CNTNAP2: variants seen among roughly 807,000 people sequenced by gnomAD.
The protein encoded by CNTNAP2 is contactin-associated protein-like 2.
Under a neutral mutation model 155.2 loss-of-function variants are expected in CNTNAP2, and 98 were observed. That is an observed-to-expected ratio of 0.63 (90% confidence interval 0.54 to 0.75). CNTNAP2 has a LOEUF of 0.75. Ranked by LOEUF, CNTNAP2 falls within the 30% of genes least tolerant of loss-of-function variation. CNTNAP2 has a pLI of 0.00. For missense variants in CNTNAP2, 1,727 were observed against 1,688.1 expected (o/e 1.02, Z -0.40); for synonymous variants, 651 against 631.2 (o/e 1.03, Z -0.47).
At chr7:147,592,503 G>A (rs1396753294) in intron 12 of CNTNAP2, among the ~76,000 whole-genome samples, 3 of 143,118 alleles carry the variant, frequency 2.1e-5, no homozygotes, top group Non-Finnish European at 4.6e-5. Flanking sequence ...AAATGATTAA[G>A]CTGTACACAA....
intron 15 of CNTNAP2, among the ~76,000 whole-genome samples, chr7:147,987,422 TTACCTGTCCTTTCAAATACCA>T (rs745660809): frequency 2.0e-5 from 3 of 152,234 alleles, no homozygotes; most frequent in Non-Finnish European, 4.4e-5. Context: ...ACTGATTTTC[TTACCTGTCCTTTCAAATACCA>T]TTTGTATTTG....
chr7:146,506,344 G>A (rs1797384774), intron 1 of CNTNAP2, among the ~76,000 whole-genome samples: 1 of 152,202 alleles, frequency 6.6e-6, no homozygotes, highest in East Asian at 1.9e-4. Context: ...GTATGTCTGT[G>A]TCCACGCTGG....
chr7:146,868,286 A>G (rs527700748), intron 3 of CNTNAP2, among the ~76,000 whole-genome samples: 3 of 151,974 alleles, frequency 2.0e-5, no homozygotes, highest in Non-Finnish European at 2.9e-5. Flanking sequence ...AGCCTTCCTC[A>G]TTGCTTGTTT....
intron 10 of CNTNAP2, among the ~76,000 whole-genome samples, chr7:147,445,298 A>C (rs1381683102): frequency 6.6e-6 from 1 of 152,200 alleles, no homozygotes; most frequent in East Asian, 1.9e-4. Flanking sequence ...TTTAGCATTA[A>C]TTTAAAAAAT....
intron 6 of CNTNAP2, among the ~76,000 whole-genome samples, chr7:147,126,693 G>A (rs546718076): frequency 1.4e-4 from 21 of 152,176 alleles, no homozygotes; most frequent in South Asian, 1.0e-3. Context: ...GGCTGGTCTC[G>A]AACTCCTGAT....
At chr7:148,402,120 G>A (rs141968513) in intron 22 of CNTNAP2, among the ~76,000 whole-genome samples, 271 of 152,276 alleles carry the variant, frequency 1.8e-3, no homozygotes, top group African/African-American at 5.9e-3. Context: ...ACATATAGCC[G>A]ATGACGACAA....
intron 3 of CNTNAP2, among the ~76,000 whole-genome samples, chr7:146,867,078 T>A (rs1795218400): frequency 6.6e-6 from 1 of 152,110 alleles, no homozygotes; most frequent in Non-Finnish European, 1.5e-5. Context: ...GGTAAACACG[T>A]GTCACAGGGG....
intron 3 of CNTNAP2, among the ~76,000 whole-genome samples, chr7:146,899,321 T>C (rs1358731500): frequency 6.6e-6 from 1 of 152,168 alleles, no homozygotes; most frequent in African/African-American, 2.4e-5. Flanking sequence ...ACAAGTTTAT[T>C]GGACTTTTCT....
chr7:147,723,223 T>G (rs1796591228), intron 13 of CNTNAP2, among the ~76,000 whole-genome samples: 1 of 152,006 alleles, frequency 6.6e-6, no homozygotes, highest in African/African-American at 2.4e-5. Context: ...AAAGTAAACC[T>G]GATCAATGAA....
chr7:147,296,303 TA>T (rs1805442728), intron 8 of CNTNAP2, among the ~76,000 whole-genome samples: 2 of 152,320 alleles, frequency 1.3e-5, no homozygotes, highest in South Asian at 4.1e-4. Flanking sequence ...CTTTGTACTT[TA>T]AAGGGAAATG....
chr7:148,084,974 G>T (rs897652762), intron 15 of CNTNAP2, among the ~76,000 whole-genome samples: 4 of 152,156 alleles, frequency 2.6e-5, no homozygotes, highest in East Asian at 1.9e-4. Flanking sequence ...TGTTACCCAC[G>T]ACAGTCATTT....
chr7:147,745,782 T>C (rs1243362845), intron 13 of CNTNAP2, among the ~76,000 whole-genome samples: 1 of 152,238 alleles, frequency 6.6e-6, no homozygotes, highest in Non-Finnish European at 1.5e-5. Context: ...GTCAGGGGCA[T>C]GCAATGAATC....
At chr7:147,598,280 G>A (rs905592914) in intron 12 of CNTNAP2, among the ~76,000 whole-genome samples, 2 of 151,744 alleles carry the variant, frequency 1.3e-5, no homozygotes, top group African/African-American at 4.8e-5. Flanking sequence ...TCGTCATCTA[G>A]GTTTTAAATC....
At chr7:147,925,410 A>C (rs1214283639) in intron 14 of CNTNAP2, among the ~76,000 whole-genome samples, 5 of 151,920 alleles carry the variant, frequency 3.3e-5, no homozygotes, top group Admixed American at 6.6e-5. Flanking sequence ...TTATCATCCA[A>C]AGTCCATCAT....
At chr7:147,666,313 A>G (rs1280965682) in intron 13 of CNTNAP2, among the ~76,000 whole-genome samples, 1 of 152,144 alleles carries the variant, frequency 6.6e-6, no homozygotes. Context: ...CGGTGGTCTC[A>G]GGAGACTACA....
intron 1 of CNTNAP2, among the ~76,000 whole-genome samples, chr7:146,498,518 C>A (rs1213679180): frequency 6.6e-6 from 1 of 152,090 alleles, no homozygotes; most frequent in African/African-American, 2.4e-5. Flanking sequence ...GCTTTTCCCC[C>A]CAAACTCAGA....
intron 3 of CNTNAP2, among the ~76,000 whole-genome samples, chr7:146,856,586 C>T (rs985904689): frequency 6.6e-6 from 1 of 152,086 alleles, no homozygotes; most frequent in Non-Finnish European, 1.5e-5. Flanking sequence ...TTACAAATCA[C>T]TTATTAGTTG....
chr7:147,514,886 G>A (rs917933963), intron 11 of CNTNAP2, among the ~76,000 whole-genome samples: 5 of 152,166 alleles, frequency 3.3e-5, no homozygotes, highest in Admixed American at 2.6e-4. Flanking sequence ...TGCCTTAGTC[G>A]ACCTACTTTC....
chr7:147,982,180 T>C (rs1394810407), intron 15 of CNTNAP2, among the ~76,000 whole-genome samples: 1 of 152,192 alleles, frequency 6.6e-6, no homozygotes, highest in Non-Finnish European at 1.5e-5. Flanking sequence ...TGTAGGAATA[T>C]AGTATTTGCT....
Sources: allele counts gnomAD v4.1 joint callset (sites outside exome capture counted in the v4.1 genomes callset), GRCh38; gene constraint gnomAD v4.1.1; transcripts MANE v1.5; gene names NCBI Gene and HGNC (gene_info 2026-07-23, HGNC 2026-07-21).